The following MPHOSPH9 variants were observed in gnomAD, a reference collection of about 807,000 sequenced individuals.
MPHOSPH9 encodes the protein M-phase phosphoprotein 9.
Under a neutral mutation model 145.5 loss-of-function variants are expected in MPHOSPH9, and 88 were observed. The ratio of observed to expected loss-of-function variants is 0.60; its 90% CI spans 0.51 to 0.72. MPHOSPH9 has a LOEUF of 0.72. MPHOSPH9 is among the 30% of genes least tolerant of loss of function. The pLI is 0.00. For missense variants in MPHOSPH9, 1,238 were observed against 1,386.6 expected (o/e 0.89, Z 1.70); for synonymous variants, 435 against 486.2 (o/e 0.89, Z 1.39).
intron 18 of MPHOSPH9, 39 bp downstream of exon 18, chr12:123,165,263 A>G: frequency 1.3e-6 from 2 of 1,500,454 alleles, no homozygotes; most frequent in South Asian, 1.2e-5. Flanking sequence ...TGGGGAAAAG[A>G]TATCTATATC....
chr12:123,175,552 C>T (rs1199601982), intron 16 of MPHOSPH9, among the ~76,000 whole-genome samples: 1 of 152,116 alleles, frequency 6.6e-6, no homozygotes, highest in Non-Finnish European at 1.5e-5. Flanking sequence ...TCAGGCCACA[C>T]TAACCTCCCT....
chr12:123,157,550 A>T (rs1253894299), intron 23 of MPHOSPH9, among the ~76,000 whole-genome samples: 1 of 152,168 alleles, frequency 6.6e-6, no homozygotes, highest in Non-Finnish European at 1.5e-5. Flanking sequence ...GCATGATCAT[A>T]GCTTACTGCA....
intron 18 of MPHOSPH9, 68 bp from the exon 19 acceptor site, chr12:123,164,158 C>G: frequency 6.3e-7 from 1 of 1,584,574 alleles, no homozygotes; most frequent in Admixed American, 1.7e-5. Flanking sequence ...AGTTATCCAC[C>G]TTTATTAACA....
intron 11 of MPHOSPH9, among the ~76,000 whole-genome samples, chr12:123,199,643 A>G (rs1168944440): frequency 6.6e-6 from 1 of 152,018 alleles, no homozygotes; most frequent in Non-Finnish European, 1.5e-5. Flanking sequence ...AATACAAAAA[A>G]TTAGCCGGGC....
chr12:123,198,420 A>G lies in MPHOSPH9; in HGVS notation c.1938-86T>C, dbSNP rs2046069970. The G allele has an allele frequency of 9.4e-6, 10 of 1,065,210 alleles. 1 individual carries two copies. In the South Asian group the frequency reaches 1.0e-4, roughly 11 times the overall value. The allele number at this position is 1,065,210 out of a possible 1,614,324, so 66.0% of individuals were successfully genotyped here. On this transcript the variant is annotated intron_variant, in intron 11 of 23. Transcript: ENST00000606320. ...ATAAATCTAACCAATTCTCTAATATATAACATAAGACAAATTCTCCAGTGT... is the reference window on the plus strand; with the variant it reads ...ATAAATCTAACCAATTCTCTAATATGTAACATAAGACAAATTCTCCAGTGT...
At chr12:123,181,571 A>C (rs74560027) in intron 13 of MPHOSPH9, among the ~76,000 whole-genome samples, 2 of 151,544 alleles carry the variant, frequency 1.3e-5, no homozygotes, top group Admixed American at 6.6e-5. Context: ...CAAAAAAAAA[A>C]CAAAAGCTGG....
At chr12:123,198,376 T>C in intron 11 of MPHOSPH9, 42 bp from the exon 12 acceptor site, 1 of 1,458,358 alleles carries the variant, frequency 6.9e-7, no homozygotes, top group Non-Finnish European at 9.5e-7. Context: ...GATAAAATTA[T>C]TACCCTTAAA....
intron 7 of MPHOSPH9, among the ~76,000 whole-genome samples, chr12:123,212,519 C>G (rs921225178): frequency 1.3e-5 from 2 of 151,914 alleles, no homozygotes; most frequent in African/African-American, 4.8e-5. Flanking sequence ...ACCAGCCTGA[C>G]CAACATGGAA....
chr12:123,160,985 G>A (rs757639162), intron 22 of MPHOSPH9, 136 bp from the exon 23 acceptor site: 160 of 1,322,268 alleles, frequency 1.2e-4, no homozygotes, highest in Admixed American at 5.3e-4. Flanking sequence ...AATTAGTAAC[G>A]ACCACATGGC....
intron 16 of MPHOSPH9, among the ~76,000 whole-genome samples, chr12:123,175,360 A>G (rs1210729842): frequency 1.3e-5 from 2 of 152,008 alleles, no homozygotes. Flanking sequence ...TCATCGTGTT[A>G]GCCAGGATGG....
intron 21 of MPHOSPH9, 106 bp from the exon 22 acceptor site, chr12:123,161,489 T>C (rs1287631519): frequency 3.3e-6 from 4 of 1,209,172 alleles, no homozygotes; most frequent in Non-Finnish European, 3.5e-6. Context: ...ATAGCTGCTA[T>C]GTGGCCCAAA....
intron 6 of MPHOSPH9, 68 bp downstream of exon 6, chr12:123,218,308 A>G: frequency 4.4e-6 from 7 of 1,576,906 alleles, no homozygotes; most frequent in Non-Finnish European, 5.2e-6. Context: ...AGTTTTGTTC[A>G]TGAGCGTGTA....
chr12:123,234,861 C>G (rs916919029), upstream of MPHOSPH9, among the ~76,000 whole-genome samples: 1 of 152,208 alleles, frequency 6.6e-6, no homozygotes, highest in Admixed American at 6.5e-5. Context: ...TTTTTGGCAT[C>G]ACAGTGATCT....
intron 13 of MPHOSPH9, among the ~76,000 whole-genome samples, chr12:123,191,721 G>A (rs1274337065): frequency 6.6e-6 from 1 of 152,188 alleles, no homozygotes; most frequent in Non-Finnish European, 1.5e-5. Flanking sequence ...ATAGTGCTGT[G>A]CCAGGAAATA....
intron 23 of MPHOSPH9, among the ~76,000 whole-genome samples, chr12:123,158,596 T>A (rs182639005): frequency 5.1e-4 from 78 of 152,124 alleles, no homozygotes; most frequent in Non-Finnish European, 8.7e-4. Flanking sequence ...CTCAAAAAAA[T>A]TAAAAGAGAA....
chr12:123,208,695 G>T (rs573495884), intron 8 of MPHOSPH9, among the ~76,000 whole-genome samples: 41 of 151,954 alleles, frequency 2.7e-4, no homozygotes, highest in Non-Finnish European at 4.9e-4. Context: ...TACTACATAT[G>T]AAATAGTAGG....
chr12:123,222,246 AC>A (rs1046789157), intron 4 of MPHOSPH9, among the ~76,000 whole-genome samples: 5 of 151,632 alleles, frequency 3.3e-5, no homozygotes, highest in African/African-American at 1.2e-4. Flanking sequence ...AATTTCTTGA[AC>A]CCAGGAGGCA....
chr12:123,189,353 C>G (rs192441469), intron 13 of MPHOSPH9, among the ~76,000 whole-genome samples: 1 of 152,194 alleles, frequency 6.6e-6, no homozygotes, highest in African/African-American at 2.4e-5. Flanking sequence ...ACAGAGTCCA[C>G]GAACAGAATA....
At chr12:123,169,034 A>T (rs138298170) in intron 16 of MPHOSPH9, among the ~76,000 whole-genome samples, 3 of 150,740 alleles carry the variant, frequency 2.0e-5, no homozygotes, top group Non-Finnish European at 4.4e-5. Flanking sequence ...ACAGGCGCCC[A>T]CCACCACGCC....
Sources: gnomAD v4.1 joint callset for allele counts (sites outside exome capture counted in the v4.1 genomes callset) on GRCh38, gnomAD v4.1.1 for gene constraint, MANE v1.5 for transcripts, NCBI Gene and HGNC (gene_info 2026-07-23, HGNC 2026-07-21) for gene names.